HK1: variants seen among roughly 807,000 people sequenced by gnomAD.
HK1 encodes hexokinase-1.
A neutral mutation model predicts 91.6 loss-of-function variants in HK1; 28 were observed. That is an observed-to-expected ratio of 0.31 (90% confidence interval 0.23 to 0.42). The LOEUF (loss-of-function observed/expected upper bound fraction) is 0.42, where lower values mean the gene tolerates loss of function less well. Among genes scored for constraint, HK1 ranks in the 10% least tolerant of loss-of-function variants. HK1 has a pLI of 1.00. For synonymous variants in HK1, 430 were observed against 468.1 expected (o/e 0.92, Z 1.05); for missense variants, 770 against 1,219.8 (o/e 0.63, Z 5.49).
intron 2 of HK1, among the ~76,000 whole-genome samples, chr10:69,357,985 T>C (rs1382406209): frequency 1.3e-5 from 2 of 152,138 alleles, no homozygotes; most frequent in Non-Finnish European, 2.9e-5. Context: ...AATGGGTGAA[T>C]TATATGGTAT....
chr10:69,362,487 G>A (rs1277075468), intron 3 of HK1, among the ~76,000 whole-genome samples: 1 of 150,828 alleles, frequency 6.6e-6, no homozygotes, highest in African/African-American at 2.4e-5. Context: ...GCGGTTAGGT[G>A]ACTTTTTTTC....
rs553832868 is a variant in HK1, at chr10:69,325,099, T to G, written c.63+6089T>G. On this transcript the variant is annotated intron_variant, in intron 1 of 17. Transcript: ENST00000359426. Reference sequence around the variant, plus strand: ...GGAGTCTTCGCTCTGTTGCCCAGGCTGGAGTGCAGTGGCACGATCTCAGCT... The same window carrying G: ...GGAGTCTTCGCTCTGTTGCCCAGGCGGGAGTGCAGTGGCACGATCTCAGCT... Among the ~76,000 whole-genome samples, 5 of 146,036 alleles carry G rather than the reference T, an allele frequency of 3.4e-5. No homozygotes were observed. In the East Asian group the frequency reaches 1.1e-3, roughly 31 times the overall value.
chr10:69,273,315 A>T (rs1271550434), intron 1 of HK1, among the ~76,000 whole-genome samples: 1 of 152,108 alleles, frequency 6.6e-6, no homozygotes, highest in Admixed American at 6.6e-5. Context: ...TCCGGAATTC[A>T]TGCCATTCTC....
chr10:69,320,854 T>A (rs899396246), intron 1 of HK1, among the ~76,000 whole-genome samples: 2 of 152,082 alleles, frequency 1.3e-5, no homozygotes, highest in African/African-American at 4.8e-5. Context: ...GTGTCTAGGG[T>A]GGGCCCAGAG....
At chr10:69,387,129 T>C (rs1185506244) in intron 13 of HK1, among the ~76,000 whole-genome samples, 2 of 152,156 alleles carry the variant, frequency 1.3e-5, no homozygotes, top group South Asian at 4.1e-4. Context: ...GGGACCATGA[T>C]GGATTTAGAC....
chr10:69,328,061 C>G (rs971977347), intron 1 of HK1, among the ~76,000 whole-genome samples: 1 of 152,208 alleles, frequency 6.6e-6, no homozygotes, highest in African/African-American at 2.4e-5. Flanking sequence ...CACACTTTCT[C>G]TCTTCCCGGG....
At chr10:69,340,546 G>A (rs61014084) in intron 1 of HK1, among the ~76,000 whole-genome samples, 4,744 of 152,176 alleles carry the variant, frequency 0.031, 254 homozygotes, top group African/African-American at 0.11. Flanking sequence ...CATTGCTCCC[G>A]GCCTTAAAAT....
intron 1 of HK1, among the ~76,000 whole-genome samples, chr10:69,273,724 C>G (rs1480157156): frequency 6.6e-6 from 1 of 152,228 alleles, no homozygotes; most frequent in Non-Finnish European, 1.5e-5. Context: ...CCAACCTGCT[C>G]TTAAGCCTAG....
chr10:69,374,118 A>G (rs965958468), intron 7 of HK1, among the ~76,000 whole-genome samples: 1 of 152,304 alleles, frequency 6.6e-6, no homozygotes, highest in African/African-American at 2.4e-5. Context: ...CCTTCAAGTC[A>G]GCACCCAGAT....
chr10:69,337,065 C>T (rs1360114780), intron 1 of HK1, among the ~76,000 whole-genome samples: 1 of 152,148 alleles, frequency 6.6e-6, no homozygotes, highest in East Asian at 1.9e-4. Flanking sequence ...CATTAAAATC[C>T]TCCCCATAAC....
intron 2 of HK1, among the ~76,000 whole-genome samples, chr10:69,286,774 C>T (rs1845052123): frequency 6.6e-6 from 1 of 152,100 alleles, no homozygotes; most frequent in Admixed American, 6.6e-5. Context: ...TCTCGAACTC[C>T]TGACCTCAGG....
chr10:69,377,227 T>C (rs754553086), intron 8 of HK1, 138 bp downstream of exon 8: 2 of 1,003,560 alleles, frequency 2.0e-6, no homozygotes, highest in African/African-American at 1.6e-5. Flanking sequence ...GTCCTCTCAC[T>C]CTTAGTTGAC....
chr10:69,274,324 G>A (rs376835663), intron 1 of HK1, among the ~76,000 whole-genome samples: 10 of 151,908 alleles, frequency 6.6e-5, no homozygotes, highest in African/African-American at 1.9e-4. Context: ...TTGCCCAGGC[G>A]CAGTGGCTCA....
intron 9 of HK1, among the ~76,000 whole-genome samples, chr10:69,381,546 C>CTTTTTTTTTT (rs35306200): frequency 2.3e-5 from 3 of 132,246 alleles, no homozygotes; most frequent in Non-Finnish European, 3.2e-5. Context: ...TCATCTTAAC[C>CTTTTTTTTTT]TTTTTTTTTT....
At position 69,392,248 on chromosome 10, in the gene HK1, A is replaced by G. The variant is rs369170269; in HGVS notation, c.2159A>G (p.Asp720Gly). Residue 720 changes from aspartate (D) to glycine (G), a missense_variant, in exon 15 of 18, where the codon GAT becomes GGT. Around this residue, in one of 7 missense-constraint regions of HK1, gnomAD observed 152 missense variants for 211.1 expected, o/e 0.72. Transcript: ENST00000359426. The stretch of plus-strand genomic sequence containing the variant: ...TTTGGGGACAACGGGTGTCTGGATG[A>G]TATCAGGACACACTACGACAGACTG... Reference protein sequence around the residue: ...GAFGDNGCLDDIRTHYDRLVD... With the variant: ...GAFGDNGCLDGIRTHYDRLVD... 14 of 1,614,056 alleles carry G rather than the reference A, an allele frequency of 8.7e-6. No individual in the cohort carries two copies. The highest frequency in any genetic ancestry group is 1.7e-5 in the Admixed American group (1 of 60,004).
intron 10 of HK1, 108 bp downstream of exon 10, chr10:69,382,899 G>A (rs1839464290): frequency 9.8e-7 from 1 of 1,015,894 alleles, no homozygotes; most frequent in Admixed American, 2.0e-5. Flanking sequence ...GGTGATGCAC[G>A]ATTTTGCCAG....
chr10:69,341,327 A>G (rs963173594), intron 1 of HK1, among the ~76,000 whole-genome samples: 1 of 151,284 alleles, frequency 6.6e-6, no homozygotes, highest in Admixed American at 6.6e-5. Context: ...ACGCCTGGCT[A>G]ATTTTTGTAT....
At chr10:69,323,969 A>G (rs1417085217) in intron 1 of HK1, among the ~76,000 whole-genome samples, 2 of 152,196 alleles carry the variant, frequency 1.3e-5, no homozygotes, top group Non-Finnish European at 2.9e-5. Flanking sequence ...ATGGATAAAG[A>G]CAGGGAGCTG....
intron 1 of HK1, among the ~76,000 whole-genome samples, chr10:69,320,004 C>T (rs1487987285): frequency 1.3e-5 from 2 of 152,052 alleles, no homozygotes; most frequent in Non-Finnish European, 2.9e-5. Flanking sequence ...TTGACTTTGG[C>T]GTTCAGACAG....
Sources: allele counts gnomAD v4.1 joint callset (sites outside exome capture counted in the v4.1 genomes callset), GRCh38; gene constraint gnomAD v4.1.1; regional missense constraint gnomAD v4.1.1; transcripts MANE v1.5; gene names NCBI Gene and HGNC (gene_info 2026-07-23, HGNC 2026-07-21).